HEG1: variants seen among roughly 807,000 people sequenced by gnomAD.
The protein encoded by HEG1 is protein HEG homolog 1.
Under a neutral mutation model 125.6 loss-of-function variants are expected in HEG1, and 56 were observed. That is an observed-to-expected ratio of 0.45 (90% CI 0.36 to 0.56). The LOEUF is 0.56. HEG1 is among the 20% of genes least tolerant of loss of function. HEG1 has a pLI of 0.00. For synonymous variants in HEG1, 644 were observed against 668.5 expected (o/e 0.96, Z 0.57); for missense variants, 1,523 against 1,670.0 (o/e 0.91, Z 1.53).
chr3:124,977,867 G>T lies in HEG1; in HGVS notation c.3813C>A (p.Thr1271=). Residue 1271 remains threonine (T), a synonymous_variant, in exon 15 of 17, where the codon ACC becomes ACA. Transcript: ENST00000311127. ...GAACTCTCATCACTTACCTGCAACA[G>T]GTAACAATCAGTGCGATGCCTAGGA... The part of the protein sequence containing the change: ...LLILGIALIV[T]CCRKNKNDIS... 1 of 1,567,412 alleles carries T rather than the reference G, an allele frequency of 6.4e-7. No individual in the cohort carries two copies. The highest frequency in any genetic ancestry group is 8.7e-7 in the Non-Finnish European group (1 of 1,155,454).
chr3:125,048,825 T>C (rs1937737161), intron 1 of HEG1, among the ~76,000 whole-genome samples: 1 of 152,172 alleles, frequency 6.6e-6, no homozygotes, highest in Admixed American at 6.5e-5. Flanking sequence ...GAGAGCAGAT[T>C]CACCATGTAT....
At chr3:125,022,009 A>G (rs1487061756) in intron 3 of HEG1, among the ~76,000 whole-genome samples, 13 of 152,194 alleles carry the variant, frequency 8.5e-5, no homozygotes, top group African/African-American at 3.1e-4. Context: ...AGTGAATCAG[A>G]CGCTATTGGT....
In HEG1 at chr3:125,027,225, G is replaced by C. The variant is rs761332074; in HGVS notation, c.893C>G (p.Pro298Arg). The C allele has an allele frequency of 1.2e-5, 19 of 1,608,274 alleles. No individual in the cohort carries two copies. Among genetic ancestry groups the C allele is most frequent in the Non-Finnish European group, 1.6e-5 (19 of 1,177,542 alleles). The change falls in exon 3 of 17, where the codon CCT (proline) becomes CGT (arginine). Residue 298 changes from proline to arginine, a missense_variant. By Grantham distance (103) the Pro-to-Arg change is moderately radical. Coordinates refer to ENST00000311127, the MANE Select transcript of HEG1 (RefSeq NM_020733.2). ...LHFYRTAASS[P>R]LLDLSSSSES... is the part of the protein sequence containing the mutation. ...CTCACATGAGGAAAGGTCTAAGAGA[G>C]GAGAGGAAGCTGCTGTCCTGTAGAA...
At chr3:125,017,263 C>T (rs932242872) in intron 5 of HEG1, among the ~76,000 whole-genome samples, 9 of 152,238 alleles carry the variant, frequency 5.9e-5, no homozygotes, top group East Asian at 1.9e-4. Flanking sequence ...CCATGTTGGC[C>T]GGGCTGGTCT....
In HEG1 at chr3:125,012,931, A is replaced by C; in HGVS notation, c.2648T>G (p.Leu883Arg). ...VQTTAGKQLS[L>R]THPEILVPQI... ...AGGAACTAGTATTTCAGGATGGGTC[A>C]GCGAGAGCTGTTTTCCAGCTGTAGT... is the stretch of plus-strand genomic sequence containing the variant. Residue 883 changes from leucine to arginine, a missense_variant, in exon 6 of 17, where the codon CTG becomes CGG. Physicochemically the swap from Leu to Arg is moderately radical, Grantham distance 102 (BLOSUM62 -2). Coordinates refer to ENST00000311127, the MANE Select transcript of HEG1 (RefSeq NM_020733.2). 1 of 1,614,082 alleles carries C rather than the reference A, an allele frequency of 6.2e-7. No individual in the cohort carries two copies. The highest frequency in any genetic ancestry group is 1.1e-5 in the South Asian group (1 of 91,088).
chr3:125,046,573 A>C (rs1320609479), intron 1 of HEG1, among the ~76,000 whole-genome samples: 1 of 151,996 alleles, frequency 6.6e-6, no homozygotes, highest in Non-Finnish European at 1.5e-5. Flanking sequence ...GCCCGACCCA[A>C]CTGGCTAGTT....
At chr3:124,993,154 T>C (rs1057489928) in intron 12 of HEG1, among the ~76,000 whole-genome samples, 1 of 152,196 alleles carries the variant, frequency 6.6e-6, no homozygotes, top group Non-Finnish European at 1.5e-5. Context: ...TCCGGGAACC[T>C]CAGCACTTAA....
intron 2 of HEG1, 81 bp downstream of exon 2, chr3:125,029,114 G>C (rs570106930): frequency 1.4e-6 from 2 of 1,446,602 alleles, no homozygotes; most frequent in Admixed American, 4.1e-5. Context: ...GCTCAGAATG[G>C]GGTTGTGGGG....
At chr3:124,972,963 T>C (rs1490979556) in intron 16 of HEG1, among the ~76,000 whole-genome samples, 1 of 152,168 alleles carries the variant, frequency 6.6e-6, no homozygotes, top group Non-Finnish European at 1.5e-5. Context: ...GTTCTCTTTA[T>C]ACCTTTTCCC....
chr3:125,002,742 A>G lies in HEG1; in HGVS notation c.3298-427T>C, dbSNP rs1017986973. Among the ~76,000 whole-genome samples the G allele has an allele frequency of 2.0e-5, 3 of 152,230 alleles. No homozygotes were observed. The East Asian group carries it at 5.8e-4, about 29-fold the overall frequency. On this transcript the variant is annotated intron_variant, in intron 9 of 16. Coordinates refer to ENST00000311127, the MANE Select transcript of HEG1 (RefSeq NM_020733.2). ...GCCCTACATAGACGCCTCATAATCT[A>G]CAATGAGTTGACCTAACTCAAAGAC...
intron 1 of HEG1, among the ~76,000 whole-genome samples, chr3:125,030,954 C>A (rs972527763): frequency 1.3e-5 from 2 of 151,990 alleles, no homozygotes; most frequent in African/African-American, 4.8e-5. Context: ...TTACTTGAAC[C>A]CCGTATATTA....
intron 11 of HEG1, among the ~76,000 whole-genome samples, chr3:125,001,609 T>C (rs556521259): frequency 6.6e-6 from 1 of 152,332 alleles, no homozygotes; most frequent in East Asian, 1.9e-4. Flanking sequence ...AGGAGCTGCA[T>C]GCCAAGGACC....
intron 12 of HEG1, among the ~76,000 whole-genome samples, chr3:124,993,453 C>G (rs1936864587): frequency 6.6e-6 from 1 of 152,204 alleles, no homozygotes; most frequent in African/African-American, 2.4e-5. Flanking sequence ...GGGGCCTTCT[C>G]TAAGGAGGCA....
Position 125,028,524 on chromosome 3 carries a change from C to T in HEG1, c.610+671G>A, listed in dbSNP as rs189628380. Among the ~76,000 whole-genome samples the T allele has an allele frequency of 1.5e-3, 230 of 152,308 alleles. 2 individuals carry two copies. The highest frequency in any genetic ancestry group is 0.01 in the Middle Eastern group (3 of 294). ...TTCCACACCTCAGCACCCCCACCAC[C>T]TTGCTCAGATACATACACATAAGCT... On this transcript the variant is annotated intron_variant, in intron 2 of 16. Coordinates refer to ENST00000311127, the MANE Select transcript of HEG1 (RefSeq NM_020733.2).
chr3:124,973,660 A>G, intron 16 of HEG1, 71 bp downstream of exon 16: 2 of 1,275,406 alleles, frequency 1.6e-6, no homozygotes, highest in South Asian at 2.8e-5. Flanking sequence ...TTTTACTACA[A>G]CAAAACAGAA....
At chr3:125,015,289 TAATA>T (rs1025293555) in intron 5 of HEG1, among the ~76,000 whole-genome samples, 1 of 152,178 alleles carries the variant, frequency 6.6e-6, no homozygotes, top group African/African-American at 2.4e-5. Flanking sequence ...CAGTGATACA[TAATA>T]AATAGAGTTT....
intron 1 of HEG1, among the ~76,000 whole-genome samples, chr3:125,039,125 T>A (rs1165164049): frequency 6.6e-6 from 1 of 152,160 alleles, no homozygotes; most frequent in Non-Finnish European, 1.5e-5. Flanking sequence ...CTTTCCCTTG[T>A]ACCATGAATG....
intron 1 of HEG1, among the ~76,000 whole-genome samples, chr3:125,053,465 A>G (rs1170867936): frequency 6.6e-6 from 1 of 152,208 alleles, no homozygotes; most frequent in Non-Finnish European, 1.5e-5. Flanking sequence ...TAGCAGCTTC[A>G]ACAGGTGTTC....
At chr3:125,002,221 G>A (rs1172894648) in intron 10 of HEG1, 36 bp downstream of exon 10, 1 of 1,588,956 alleles carries the variant, frequency 6.3e-7, no homozygotes, top group African/African-American at 1.3e-5. Context: ...CCTTTGTACA[G>A]ACTAGTTCAC....
Sources: gnomAD v4.1 joint callset for allele counts (sites outside exome capture counted in the v4.1 genomes callset) on GRCh38, gnomAD v4.1.1 for gene constraint, MANE v1.5 for transcripts, NCBI Gene and HGNC (gene_info 2026-07-23, HGNC 2026-07-21) for gene names.